PSMA1: variants seen among roughly 807,000 people sequenced by gnomAD.
PSMA1 encodes proteasome subunit alpha type-1.
A neutral mutation model predicts 38.4 loss-of-function variants in PSMA1; 3 were observed. The ratio of observed to expected loss-of-function variants is 0.08; its 90% CI spans 0.04 to 0.20. PSMA1 has a LOEUF of 0.20. Ranked by LOEUF, PSMA1 falls within the 10% of genes least tolerant of loss-of-function variation. The pLI, the probability that PSMA1 is intolerant of heterozygous loss-of-function variation, is 1.00. For missense variants in PSMA1, 227 were observed against 325.3 expected, an observed-to-expected ratio of 0.70 and a Z score of 2.32; for synonymous variants, 101 against 107.1, an observed-to-expected ratio of 0.94 and a Z score of 0.35.
intron 1 of PSMA1, among the ~76,000 whole-genome samples, chr11:14,636,082 AAACT>A (rs1853109847): frequency 6.6e-6 from 1 of 152,176 alleles, no homozygotes; most frequent in South Asian, 2.1e-4. Context: ...TTTTACACTA[AAACT>A]AACAAAGAAA....
intron 2 of PSMA1, among the ~76,000 whole-genome samples, chr11:14,593,378 A>C (rs1479715603): frequency 1.3e-5 from 2 of 152,200 alleles, no homozygotes; most frequent in Non-Finnish European, 2.9e-5. Context: ...CTTTGTGGGA[A>C]GTTCCTAGAA....
intron 1 of PSMA1, among the ~76,000 whole-genome samples, chr11:14,613,933 C>T (rs572474307): frequency 6.6e-6 from 1 of 152,176 alleles, no homozygotes; most frequent in Admixed American, 6.5e-5. Context: ...TTATCACACT[C>T]TGCTGCTTTC....
At chr11:14,640,563 T>C (rs1224482440) in intron 1 of PSMA1, among the ~76,000 whole-genome samples, 1 of 152,158 alleles carries the variant, frequency 6.6e-6, no homozygotes, top group East Asian at 1.9e-4. Flanking sequence ...AATAGCTACT[T>C]GTTGAAAAGA....
At chr11:14,598,665 CA>C (rs1239022125) in intron 2 of PSMA1, among the ~76,000 whole-genome samples, 1 of 149,184 alleles carries the variant, frequency 6.7e-6, no homozygotes, top group Non-Finnish European at 1.5e-5. Flanking sequence ...CTCCTGAATA[CA>C]GCACACTGAT....
At chr11:14,600,625 C>T (rs975439766) in intron 2 of PSMA1, among the ~76,000 whole-genome samples, 1 of 152,200 alleles carries the variant, frequency 6.6e-6, no homozygotes, top group Non-Finnish European at 1.5e-5. Context: ...GCGGGAGTGT[C>T]CCATTTTCCC....
chr11:14,639,896 C>T (rs1181390754), intron 1 of PSMA1, among the ~76,000 whole-genome samples: 1 of 152,312 alleles, frequency 6.6e-6, no homozygotes, highest in East Asian at 1.9e-4. Context: ...GTAGTCTGGG[C>T]TCCTGAGATC....
At chr11:14,562,359 T>C (rs1254226615) in intron 2 of PSMA1, among the ~76,000 whole-genome samples, 3 of 152,236 alleles carry the variant, frequency 2.0e-5, no homozygotes, top group Non-Finnish European at 4.4e-5. Context: ...AGGAGGTCTC[T>C]GTGTCTTGCA....
At chr11:14,541,253 A>G (rs1201637938) in intron 2 of PSMA1, among the ~76,000 whole-genome samples, 1 of 152,228 alleles carries the variant, frequency 6.6e-6, no homozygotes, top group African/African-American at 2.4e-5. Context: ...CTATGCTAAT[A>G]AGAAGTCTTT....
chr11:14,526,872 T>G (rs1772177037), intron 2 of PSMA1, among the ~76,000 whole-genome samples: 1 of 152,294 alleles, frequency 6.6e-6, no homozygotes, highest in Middle Eastern at 3.4e-3. Context: ...GGCTATGCTA[T>G]AGTATCTTCC....
upstream of PSMA1, among the ~76,000 whole-genome samples, chr11:14,523,511 A>T (rs1250047624): frequency 6.6e-6 from 1 of 151,154 alleles, no homozygotes; most frequent in African/African-American, 2.4e-5. Flanking sequence ...CCTTAAAGTG[A>T]TCCTCCCTCC....
chr11:14,617,249 A>G (rs1852784765), intron 1 of PSMA1, among the ~76,000 whole-genome samples: 1 of 152,326 alleles, frequency 6.6e-6, no homozygotes, highest in East Asian at 1.9e-4. Context: ...AATCTTCTCC[A>G]TCTGGAAGGA....
chr11:14,623,494 G>A (rs1852874147), intron 1 of PSMA1, among the ~76,000 whole-genome samples: 1 of 152,176 alleles, frequency 6.6e-6, no homozygotes, highest in Admixed American at 6.5e-5. Flanking sequence ...CAATGTCCTG[G>A]CTGTCTGGTC....
chr11:14,566,758 C>A (rs1852076698), intron 2 of PSMA1, among the ~76,000 whole-genome samples: 1 of 148,942 alleles, frequency 6.7e-6, no homozygotes, highest in Non-Finnish European at 1.5e-5. Flanking sequence ...AAGCAGAAAC[C>A]ATGAATAAAC....
intron 2 of PSMA1, among the ~76,000 whole-genome samples, chr11:14,561,809 T>TAAACTAAAC (rs1852011692): frequency 4.7e-5 from 7 of 147,816 alleles, no homozygotes; most frequent in African/African-American, 1.3e-4. Flanking sequence ...CTAAACTAAA[T>TAAACTAAAC]TAAACTAAAC....
At chr11:14,588,205 G>A (rs544121003) in intron 2 of PSMA1, among the ~76,000 whole-genome samples, 143 of 152,348 alleles carry the variant, frequency 9.4e-4, no homozygotes, top group African/African-American at 3.2e-3. Context: ...CTTCAGAAAG[G>A]AATAGGCGCT....
At chr11:14,514,259 G>C in intron 5 of PSMA1, 144 bp downstream of exon 5, 1 of 1,379,810 alleles carries the variant, frequency 7.2e-7, no homozygotes, top group Non-Finnish European at 9.4e-7. Context: ...GCTTATAAAG[G>C]CTAATGAAAG....
At chr11:14,524,240 G>A (rs1047520377), upstream of PSMA1, among the ~76,000 whole-genome samples, 16 of 152,046 alleles carry the variant, frequency 1.1e-4, no homozygotes, top group Middle Eastern at 3.4e-3. Flanking sequence ...AGGCTGAGGT[G>A]ACAGGATCAC....
Position 14,592,128 on chromosome 11 carries a change from G to A in PSMA1, c.21+18838C>T, listed in dbSNP as rs188549518. On this transcript the variant is annotated intron_variant, in intron 2 of 10. Coordinates refer to the PSMA1 transcript ENST00000418988. ...AGTGAGACCACGAACCCGCCACAAGGAAGAAACTCTGAACACATCATCTGA... is the reference window on the plus strand; with the variant it reads ...AGTGAGACCACGAACCCGCCACAAGAAAGAAACTCTGAACACATCATCTGA... Among the ~76,000 whole-genome samples the A allele has an allele frequency of 1.4e-3, 218 of 152,096 alleles. 1 individual carries two copies. Among genetic ancestry groups the A allele is most frequent in the African/African-American group, 5.0e-3 (208 of 41,494 alleles).
Position 14,514,393 on chromosome 11 carries a change from A to G in PSMA1, c.343+10T>C, listed in dbSNP as rs1172125795. On this transcript the variant is annotated intron_variant, in intron 5 of 9. Coordinates refer to ENST00000396394, the MANE Select transcript of PSMA1 (RefSeq NM_002786.4). ...GTTCATATCCATAAATGCTAACATA[A>G]AAAGGATACTGCTTCCAATTAGAGA... The G allele has an allele frequency of 1.3e-6, 2 of 1,598,554 alleles. No homozygotes were observed. Among genetic ancestry groups the G allele is most frequent in the South Asian group, 2.3e-5 (2 of 88,596 alleles).
Sources: gnomAD v4.1 joint callset for allele counts (sites outside exome capture counted in the v4.1 genomes callset) on GRCh38, gnomAD v4.1.1 for gene constraint, MANE v1.5 for transcripts, NCBI Gene and HGNC (gene_info 2026-07-23, HGNC 2026-07-21) for gene names.